The following ASIC2 variants were observed in gnomAD, a reference collection of about 807,000 sequenced individuals.
The protein encoded by ASIC2 is acid sensing ion channel subunit 2.
In ASIC2, 25 loss-of-function variants were observed where a neutral mutation model predicts 57.3. The ratio of observed to expected loss-of-function variants is 0.44; its 90% CI spans 0.32 to 0.61. The LOEUF (loss-of-function observed/expected upper bound fraction) is 0.61. Among genes scored for constraint, ASIC2 ranks in the 20% least tolerant of loss-of-function variants. The probability of loss-of-function intolerance (pLI) is 0.06; values close to 1 mark genes in which losing one functional copy is unlikely to be tolerated. For missense variants in ASIC2, 641 were observed against 738.1 expected (o/e 0.87, Z 1.52); for synonymous variants, 319 against 307.5 (o/e 1.04, Z -0.39).
intron 1 of ASIC2, among the ~76,000 whole-genome samples, chr17:34,043,549 A>AAC (rs2142047752): frequency 6.6e-6 from 1 of 152,312 alleles, no homozygotes; most frequent in Non-Finnish European, 1.5e-5. Context: ...CCATTTGTTT[A>AAC]GTGCTTTAGA....
At chr17:33,420,669 C>A (rs1164880892) in intron 1 of ASIC2, among the ~76,000 whole-genome samples, 1 of 152,142 alleles carries the variant, frequency 6.6e-6, no homozygotes, top group Non-Finnish European at 1.5e-5. Flanking sequence ...GCTAGTAAGC[C>A]AGTCCACCCC....
chr17:33,767,970 A>G (rs1910982964), intron 1 of ASIC2, among the ~76,000 whole-genome samples: 1 of 152,180 alleles, frequency 6.6e-6, no homozygotes, highest in Admixed American at 6.5e-5. Context: ...ATGTGGGAAC[A>G]TAGCTAAAGG....
At chr17:33,058,470 C>T (rs1456460772) in intron 3 of ASIC2, among the ~76,000 whole-genome samples, 2 of 109,692 alleles carry the variant, frequency 1.8e-5, no homozygotes, top group South Asian at 3.2e-4. Flanking sequence ...TCTGAGAAGT[C>T]AAAAAAAAAA....
chr17:34,156,163 G>A lies in ASIC2; in HGVS notation c.370C>T (p.Pro124Ser), dbSNP rs771667803. 14 of 1,613,976 alleles carry A rather than the reference G, an allele frequency of 8.7e-6. No individual in the cohort carries two copies. Among genetic ancestry groups the A allele is most frequent in the African/African-American group, 1.3e-5 (1 of 74,906 alleles). The stretch of plus-strand genomic sequence containing the variant: ...GAGGGGTCAGCCAGATGGGGGTCCG[G>A]GATCTGCAGGTTGACATCCAGCAGG... The change falls in exon 1 of 10, where the codon CCG becomes TCG. Residue 124 changes from proline to serine, a missense_variant. Physicochemically the swap from Pro to Ser is moderately conservative, Grantham distance 74. Transcript: ENST00000359872. The surrounding 1 kb of genome is among the most constrained non-coding windows in gnomAD (Gnocchi z 4.4).
intron 1 of ASIC2, among the ~76,000 whole-genome samples, chr17:33,463,869 T>G (rs1567620650): frequency 6.6e-6 from 1 of 152,206 alleles, no homozygotes; most frequent in Non-Finnish European, 1.5e-5. Flanking sequence ...GAATTATGTA[T>G]CTTCATGTCT....
At chr17:33,014,241 C>T (rs2091794283) in intron 9 of ASIC2, among the ~76,000 whole-genome samples, 175 bp from the exon 10 acceptor site, 1 of 152,140 alleles carries the variant, frequency 6.6e-6, no homozygotes, top group East Asian at 1.9e-4. Context: ...GAATGGAATC[C>T]TTACCATTGC....
chr17:34,087,357 G>A (rs1910148692), intron 1 of ASIC2, among the ~76,000 whole-genome samples: 1 of 151,992 alleles, frequency 6.6e-6, no homozygotes, highest in Non-Finnish European at 1.5e-5. Flanking sequence ...TAAGAATGTT[G>A]AATATTGGCC....
chr17:33,309,019 A>G (rs891906620), intron 1 of ASIC2, among the ~76,000 whole-genome samples: 1 of 152,190 alleles, frequency 6.6e-6, no homozygotes, highest in African/African-American at 2.4e-5. Context: ...CCACACTGCA[A>G]CTAGGGATAA....
intron 1 of ASIC2, among the ~76,000 whole-genome samples, chr17:33,522,421 G>A (rs960708095): frequency 6.6e-6 from 1 of 152,238 alleles, no homozygotes; most frequent in Admixed American, 6.5e-5. Flanking sequence ...CCTGTGGGGG[G>A]CCCTGAGGTG....
intron 1 of ASIC2, among the ~76,000 whole-genome samples, chr17:33,169,698 C>T (rs1284910331): frequency 1.3e-5 from 2 of 152,180 alleles, no homozygotes; most frequent in Non-Finnish European, 2.9e-5. Flanking sequence ...GGAGGTGACT[C>T]TATGAAGCTC....
intron 1 of ASIC2, among the ~76,000 whole-genome samples, chr17:33,562,288 T>G (rs1007136684): frequency 6.6e-6 from 1 of 152,200 alleles, no homozygotes; most frequent in African/African-American, 2.4e-5. Flanking sequence ...AGAAGCTTCT[T>G]GGTTCCATCT....
At chr17:33,018,474 T>C (rs2141893556) in intron 7 of ASIC2, among the ~76,000 whole-genome samples, 1 of 152,366 alleles carries the variant, frequency 6.6e-6, no homozygotes, top group East Asian at 1.9e-4. Flanking sequence ...TTCAGATGGC[T>C]GGAGACTCTC....
At chr17:33,733,246 G>C (rs535272480) in intron 1 of ASIC2, among the ~76,000 whole-genome samples, 2 of 152,300 alleles carry the variant, frequency 1.3e-5, no homozygotes, top group Non-Finnish European at 2.9e-5. Context: ...TGTCAGAAGA[G>C]GGAACTCCTA....
intron 1 of ASIC2, among the ~76,000 whole-genome samples, chr17:33,837,122 G>C (rs575031971): frequency 2.0e-5 from 3 of 152,228 alleles, no homozygotes; most frequent in South Asian, 2.1e-4. Context: ...TGGGCTTCCT[G>C]AACTCTTCCC....
chr17:33,190,047 C>G (rs1326647931), intron 1 of ASIC2, among the ~76,000 whole-genome samples: 1 of 151,784 alleles, frequency 6.6e-6, no homozygotes, highest in Non-Finnish European at 1.5e-5. Flanking sequence ...TGCAGTAAGA[C>G]AAGAAAAACA....
At chr17:34,122,511 T>C (rs1330493425) in intron 1 of ASIC2, among the ~76,000 whole-genome samples, 1 of 152,072 alleles carries the variant, frequency 6.6e-6, no homozygotes, top group Non-Finnish European at 1.5e-5. Context: ...AGAGAGCGAG[T>C]CTTTCTCCCA....
At chr17:33,133,324 C>T (rs777600407) in intron 1 of ASIC2, among the ~76,000 whole-genome samples, 5 of 152,030 alleles carry the variant, frequency 3.3e-5, no homozygotes, top group East Asian at 3.9e-4. Flanking sequence ...GAGCAGTGAG[C>T]GTGCTGGCGG....
intron 1 of ASIC2, among the ~76,000 whole-genome samples, chr17:33,426,940 C>T (rs1258772286): frequency 6.6e-6 from 1 of 152,178 alleles, no homozygotes; most frequent in Non-Finnish European, 1.5e-5. Flanking sequence ...TAGCTGATAC[C>T]TGAAGGGTAA....
At chr17:33,765,652 C>T (rs995439133) in intron 1 of ASIC2, among the ~76,000 whole-genome samples, 1 of 152,114 alleles carries the variant, frequency 6.6e-6, no homozygotes, top group Non-Finnish European at 1.5e-5. Flanking sequence ...TTGCCATTTC[C>T]CCTGGAATCT....
Sources: gnomAD v4.1 joint callset for allele counts (sites outside exome capture counted in the v4.1 genomes callset) on GRCh38, gnomAD v4.1.1 for gene constraint, Gnocchi (gnomAD v3.1) non-coding constraint, MANE v1.5 for transcripts, NCBI Gene and HGNC (gene_info 2026-07-23, HGNC 2026-07-21) for gene names.